CPNE4: variants seen among roughly 807,000 people sequenced by gnomAD.
CPNE4 encodes copine 4, also known as copine-4.
CPNE4 carries 25 observed loss-of-function variants against 67.9 expected under a neutral mutation model. The ratio of observed to expected loss-of-function variants is 0.37; its 90% CI spans 0.27 to 0.51. The LOEUF (loss-of-function observed/expected upper bound fraction) is 0.51. Among genes scored for constraint, CPNE4 ranks in the 20% least tolerant of loss-of-function variants. The probability of loss-of-function intolerance (pLI) is 0.93; values close to 1 mark genes in which losing one functional copy is unlikely to be tolerated. For synonymous variants in CPNE4, 242 were observed against 244.9 expected (o/e 0.99, Z 0.11); for missense variants, 464 against 690.8 (o/e 0.67, Z 3.68).
In CPNE4 at chr3:131,595,529, G is replaced by T. The variant is rs563838597; in HGVS notation, c.682-7947C>A. ...GTTCTGCAAGCTATACAGAAAGCAT[G>T]GTGCTGCCATCTGCTTCTGGTGAGG... On this transcript the variant is annotated intron_variant, in intron 7 of 15. Coordinates refer to ENST00000429747, the MANE Select transcript of CPNE4 (RefSeq NM_130808.3). Among the ~76,000 whole-genome samples, 8 of 152,306 alleles carry T rather than the reference G, an allele frequency of 5.3e-5. No individual in the cohort carries two copies. The South Asian group carries it at 1.7e-3, about 32-fold the overall frequency.
intron 1 of CPNE4, among the ~76,000 whole-genome samples, chr3:132,018,567 T>A (rs1339029403): frequency 6.6e-6 from 1 of 152,184 alleles, no homozygotes; most frequent in East Asian, 1.9e-4. Context: ...CATCTTTATG[T>A]CTATCTGTCT....
At chr3:131,835,098 G>A (rs1380102672) in intron 2 of CPNE4, among the ~76,000 whole-genome samples, 1 of 152,218 alleles carries the variant, frequency 6.6e-6, no homozygotes, top group African/African-American at 2.4e-5. Flanking sequence ...GATTTTGAAA[G>A]ATGGATTCAA....
chr3:131,771,177 T>C (rs1273371157), intron 2 of CPNE4, among the ~76,000 whole-genome samples: 1 of 152,194 alleles, frequency 6.6e-6, no homozygotes, highest in Non-Finnish European at 1.5e-5. Flanking sequence ...ACATAATAGA[T>C]GCTCGATCAA....
intron 7 of CPNE4, among the ~76,000 whole-genome samples, chr3:131,588,889 T>A (rs921381832): frequency 6.6e-6 from 1 of 152,174 alleles, no homozygotes; most frequent in Non-Finnish European, 1.5e-5. Context: ...GTCTCCCAGC[T>A]TGTCTCCTTG....
chr3:131,676,060 T>TATC (rs1310390016), intron 6 of CPNE4, among the ~76,000 whole-genome samples: 1 of 144,710 alleles, frequency 6.9e-6, no homozygotes, highest in Non-Finnish European at 1.5e-5. Context: ...TTATTATTAT[T>TATC]ATTATTATTA....
At chr3:131,717,432 G>A (rs1263690543) in intron 3 of CPNE4, among the ~76,000 whole-genome samples, 2 of 152,094 alleles carry the variant, frequency 1.3e-5, no homozygotes, top group Admixed American at 6.5e-5. Context: ...AATATTAGCA[G>A]CTATCACCTA....
At chr3:131,785,671 T>C (rs200025905) in intron 2 of CPNE4, among the ~76,000 whole-genome samples, 2 of 142,742 alleles carry the variant, frequency 1.4e-5, no homozygotes, top group Admixed American at 7.0e-5. Context: ...CTTTCTCTCT[T>C]TCTCTCTCTC....
intron 2 of CPNE4, among the ~76,000 whole-genome samples, chr3:131,724,655 G>A (rs1273311735): frequency 6.6e-6 from 1 of 152,110 alleles, no homozygotes; most frequent in Non-Finnish European, 1.5e-5. Flanking sequence ...TGCACAGGGA[G>A]CTTTTGCTGG....
intron 2 of CPNE4, among the ~76,000 whole-genome samples, chr3:131,897,501 C>T (rs11920002): frequency 0.049 from 7,436 of 152,176 alleles, 245 homozygotes; most frequent in Middle Eastern, 0.1. Flanking sequence ...TTTGTCATTG[C>T]TCCTTCACTT....
At chr3:131,792,159 T>C (rs923513612) in intron 2 of CPNE4, among the ~76,000 whole-genome samples, 1 of 152,068 alleles carries the variant, frequency 6.6e-6, no homozygotes, top group Non-Finnish European at 1.5e-5. Flanking sequence ...GGTGTTGCCA[T>C]TGAAAAGTTT....
intron 9 of CPNE4, among the ~76,000 whole-genome samples, chr3:131,578,768 G>C (rs1937617678): frequency 6.6e-6 from 1 of 152,126 alleles, no homozygotes; most frequent in African/African-American, 2.4e-5. Flanking sequence ...ACCTAATCTA[G>C]AGCAAAGCCC....
chr3:131,734,221 A>G (rs537840409), intron 2 of CPNE4, among the ~76,000 whole-genome samples: 21 of 152,248 alleles, frequency 1.4e-4, no homozygotes, highest in African/African-American at 3.1e-4. Context: ...TCTCTTTCCC[A>G]TGGCACTTTG....
At chr3:131,560,477 T>C (rs1936702836) in intron 11 of CPNE4, among the ~76,000 whole-genome samples, 1 of 152,012 alleles carries the variant, frequency 6.6e-6, no homozygotes, top group East Asian at 1.9e-4. Context: ...CCAGAAATTA[T>C]CATCCCCAGG....
At chr3:131,799,565 A>C (rs1366522812) in intron 2 of CPNE4, among the ~76,000 whole-genome samples, 1 of 152,156 alleles carries the variant, frequency 6.6e-6, no homozygotes, top group East Asian at 1.9e-4. Flanking sequence ...TTTAACTATT[A>C]AATAAACTGA....
At chr3:131,690,592 A>G (rs374878612) in intron 5 of CPNE4, among the ~76,000 whole-genome samples, 3 of 152,328 alleles carry the variant, frequency 2.0e-5, no homozygotes, top group East Asian at 1.9e-4. Flanking sequence ...AAATCCTAGA[A>G]GAGAACATAT....
chr3:131,624,738 C>T (rs1055750041), intron 7 of CPNE4, among the ~76,000 whole-genome samples: 7 of 152,090 alleles, frequency 4.6e-5, no homozygotes, highest in African/African-American at 1.7e-4. Flanking sequence ...CCTGTGCTTT[C>T]TAGTTTCTTC....
At chr3:131,565,449 C>A (rs1937006454) in intron 10 of CPNE4, among the ~76,000 whole-genome samples, 1 of 151,810 alleles carries the variant, frequency 6.6e-6, no homozygotes. Flanking sequence ...CTGGAATGCA[C>A]CATTGGTTCT....
intron 2 of CPNE4, among the ~76,000 whole-genome samples, chr3:131,881,983 T>C (rs978783861): frequency 5.3e-5 from 8 of 152,208 alleles, no homozygotes; most frequent in Non-Finnish European, 1.2e-4. Context: ...CAGAGTGCTT[T>C]TTCTTCTCAA....
chr3:131,969,260 G>A (rs2072439254), intron 1 of CPNE4, among the ~76,000 whole-genome samples: 1 of 151,840 alleles, frequency 6.6e-6, no homozygotes, highest in Non-Finnish European at 1.5e-5. Context: ...AATGCATGCG[G>A]GTCTTAAAAC....
Sources: allele counts gnomAD v4.1 joint callset (sites outside exome capture counted in the v4.1 genomes callset), GRCh38; gene constraint gnomAD v4.1.1; transcripts MANE v1.5; gene names NCBI Gene and HGNC (gene_info 2026-07-23, HGNC 2026-07-21).